The following AQP11 variants were observed in gnomAD, a reference collection of about 807,000 sequenced individuals.
AQP11 encodes aquaporin-11.
AQP11 carries 20 observed loss-of-function variants against 21.1 expected under a neutral mutation model. The observed-to-expected ratio is 0.95, with a 90% CI of 0.67 to 1.38. AQP11 has a LOEUF of 1.38. Ranked by LOEUF, AQP11 falls within the 40% of genes most tolerant of loss-of-function variation. The pLI is 0.00. For synonymous variants in AQP11, 167 were observed against 150.1 expected, an observed-to-expected ratio of 1.11 and a Z score of -0.82; for missense variants, 339 against 340.4, an observed-to-expected ratio of 1.00 and a Z score of 0.03.
intron 1 of AQP11, among the ~76,000 whole-genome samples, chr11:77,598,156 C>G (rs1958794533): frequency 6.6e-6 from 1 of 152,190 alleles, no homozygotes; most frequent in Admixed American, 6.5e-5. Flanking sequence ...AGAGGGAAGA[C>G]AAATATTCCA....
chr11:77,594,880 CT>C (rs1447208871), intron 1 of AQP11, among the ~76,000 whole-genome samples: 1 of 150,830 alleles, frequency 6.6e-6, no homozygotes, highest in African/African-American at 2.4e-5. Context: ...ACTGGCTCCC[CT>C]AATCGTGTAA....
In AQP11 at chr11:77,605,831, C is replaced by T. The variant is rs368629817; in HGVS notation, c.736+2159C>T. ...CCCAGCACTTTGGGAGGCCGAGGTGCGTGGATCACCTCAAGTCAGGAGTTT... is the reference window on the plus strand; with the variant it reads ...CCCAGCACTTTGGGAGGCCGAGGTGTGTGGATCACCTCAAGTCAGGAGTTT... On this transcript the variant is annotated intron_variant, in intron 2 of 2. Coordinates refer to ENST00000313578, the MANE Select transcript of AQP11 (RefSeq NM_173039.3). Among the ~76,000 whole-genome samples the T allele has an allele frequency of 4.9e-4, 74 of 151,770 alleles. No homozygotes were observed. In the South Asian group the frequency reaches 0.013, roughly 27 times the overall value.
chr11:77,603,421 C>A, intron 1 of AQP11, 135 bp from the exon 2 acceptor site: 1 of 606,598 alleles, frequency 1.6e-6, no homozygotes, highest in Non-Finnish European at 2.9e-6. Context: ...TAAAATATGC[C>A]AGGTGATTCT....
intron 1 of AQP11, among the ~76,000 whole-genome samples, chr11:77,597,152 G>T (rs1958787985): frequency 6.6e-6 from 1 of 152,130 alleles, no homozygotes; most frequent in Non-Finnish European, 1.5e-5. Flanking sequence ...AATGTAAGTT[G>T]TAACTTTTAT....
chr11:77,593,452 G>C (rs975817291), intron 1 of AQP11, among the ~76,000 whole-genome samples: 1 of 152,112 alleles, frequency 6.6e-6, no homozygotes, highest in Non-Finnish European at 1.5e-5. Context: ...TGGCTAACAC[G>C]GTGAAACCCC....
chr11:77,607,203 G>GA (rs763100730), intron 2 of AQP11, among the ~76,000 whole-genome samples: 39 of 150,608 alleles, frequency 2.6e-4, no homozygotes, highest in Non-Finnish European at 5.0e-4. Flanking sequence ...CTTCCCACTG[G>GA]AAAAAAAATT....
chr11:77,597,799 G>C (rs963688872), intron 1 of AQP11, among the ~76,000 whole-genome samples: 4 of 151,892 alleles, frequency 2.6e-5, no homozygotes, highest in African/African-American at 7.3e-5. Context: ...TGTCACCCAG[G>C]CTGGAGTGCA....
intron 1 of AQP11, among the ~76,000 whole-genome samples, chr11:77,596,683 AC>A (rs1420435217): frequency 4.0e-5 from 6 of 150,350 alleles, no homozygotes; most frequent in African/African-American, 1.5e-4. Flanking sequence ...ACATAGCAAG[AC>A]CCTGTCTCTA....
At chr11:77,591,102 G>A (rs1958745022) in intron 1 of AQP11, 2 of 977,598 alleles carry the variant, frequency 2.0e-6, no homozygotes, top group African/African-American at 3.5e-5. Context: ...ATGATTTAAA[G>A]TCATTTCTTA....
At chr11:77,598,000 A>G (rs566496840) in intron 1 of AQP11, among the ~76,000 whole-genome samples, 20 of 152,164 alleles carry the variant, frequency 1.3e-4, no homozygotes, top group African/African-American at 4.6e-4. Context: ...TGGCCTCCCA[A>G]AGTGCTGGGA....
intron 1 of AQP11, among the ~76,000 whole-genome samples, chr11:77,599,052 T>G (rs1237452583): frequency 6.6e-6 from 1 of 152,184 alleles, no homozygotes; most frequent in Non-Finnish European, 1.5e-5. Flanking sequence ...TGGTTAATTT[T>G]GTATTTTTAG....
chr11:77,605,340 T>A (rs1958839797), intron 2 of AQP11, among the ~76,000 whole-genome samples: 1 of 152,190 alleles, frequency 6.6e-6, no homozygotes, highest in South Asian at 2.1e-4. Context: ...CTAACATATA[T>A]TAACATGATT....
chr11:77,590,339 C>T lies in AQP11; in HGVS notation c.347C>T (p.Thr116Met), dbSNP rs1360164687. 1.9e-6 allele frequency: 3 copies of T among 1,610,754 alleles called. No individual in the cohort carries two copies. Among genetic ancestry groups the T allele is most frequent in the African/African-American group, 2.7e-5 (2 of 74,888 alleles). The change falls in exon 1 of 3, where the codon ACG (threonine) becomes ATG (methionine). Residue 116 changes from threonine to methionine, a missense_variant. Thr to Met is a moderately conservative substitution (Grantham distance 81, BLOSUM62 -1). Transcript: ENST00000313578. ...QMMLGGMSPE[T>M]GAVRLLAQLV... is the part of the protein sequence containing the mutation. ...ATGCTGGGGGGCATGTCCCCCGAGA[C>T]GGGTGCGGTGAGGCTATTGGCTCAG... is the stretch of plus-strand genomic sequence containing the variant.
At position 77,603,602 on chromosome 11, in the gene AQP11, G is replaced by T; in HGVS notation, c.666G>T (p.Ser222=). The change falls in exon 2 of 3, where the codon TCG becomes TCT. Residue 222 remains serine, a synonymous_variant. Coordinates refer to ENST00000313578, the MANE Select transcript of AQP11 (RefSeq NM_173039.3). ...TATTTAATCCAGCTTTGGCACTTTC[G>T]CTACATTTCATGTGTTTTGATGAAG... ...GAVFNPALAL[S]LHFMCFDEAF... The T allele has an allele frequency of 6.2e-7, 1 of 1,608,742 alleles. No individual in the cohort carries two copies.
chr11:77,598,656 G>C (rs537873865), intron 1 of AQP11, among the ~76,000 whole-genome samples: 1 of 152,034 alleles, frequency 6.6e-6, no homozygotes, highest in African/African-American at 2.4e-5. Context: ...TTCCTTCCAC[G>C]GTAATCCTTG....
chr11:77,590,557 A>C lies in AQP11; in HGVS notation c.565A>C (p.Thr189Pro). The change falls in exon 1 of 3, where the codon ACC becomes CCC. Residue 189 changes from threonine to proline, a missense_variant. Thr to Pro is a conservative substitution (Grantham distance 38). Coordinates refer to ENST00000313578, the MANE Select transcript of AQP11 (RefSeq NM_173039.3). Reference sequence around the variant, plus strand: ...TCTGCTGCACTTCCAGGAAGTCCGAACCAAGCTTCGTATCCACCTGCTGGC... The same window carrying C: ...TCTGCTGCACTTCCAGGAAGTCCGACCCAAGCTTCGTATCCACCTGCTGGC... ...SALLHFQEVR[T>P]KLRIHLLAAL... The C allele has an allele frequency of 6.2e-7, 1 of 1,614,158 alleles. No homozygotes were observed. The highest frequency in any genetic ancestry group is 1.1e-5 in the South Asian group (1 of 91,082).
intron 2 of AQP11, among the ~76,000 whole-genome samples, chr11:77,608,839 TAAGTGAA>T (rs1331187066): frequency 6.6e-6 from 1 of 152,206 alleles, no homozygotes; most frequent in African/African-American, 2.4e-5. Flanking sequence ...TTGAACATTC[TAAGTGAA>T]AACTCCGAGT....
chr11:77,604,134 C>A lies in AQP11; in HGVS notation c.736+462C>A, dbSNP rs2135750431. On this transcript the variant is annotated intron_variant, in intron 2 of 2. Coordinates refer to ENST00000313578, the MANE Select transcript of AQP11 (RefSeq NM_173039.3). Reference sequence around the variant, plus strand: ...GTTTTTGTTTTGTTTTTTTTCGAGACAGGGTCTCTCTTTGTCACCCAGGCT... The same window carrying A: ...GTTTTTGTTTTGTTTTTTTTCGAGAAAGGGTCTCTCTTTGTCACCCAGGCT... Among the ~76,000 whole-genome samples the A allele has an allele frequency of 2.0e-5, 3 of 151,960 alleles. 1 individual carries two copies. The South Asian group carries it at 6.2e-4, about 32-fold the overall frequency.
chr11:77,595,874 G>A (rs1958775457), intron 1 of AQP11, among the ~76,000 whole-genome samples: 1 of 151,862 alleles, frequency 6.6e-6, no homozygotes, highest in South Asian at 2.1e-4. Context: ...GATCCCCTGA[G>A]CCCTGGAGGC....
Sources: allele counts gnomAD v4.1 joint callset (sites outside exome capture counted in the v4.1 genomes callset), GRCh38; gene constraint gnomAD v4.1.1; transcripts MANE v1.5; gene names NCBI Gene and HGNC (gene_info 2026-07-23, HGNC 2026-07-21).